Variants in DIS3L2 observed in about 807,000 individuals in gnomAD.
DIS3L2 encodes DIS3 like 3'-5' exoribonuclease 2, also known as DIS3-like exonuclease 2.
In DIS3L2, 34 loss-of-function variants were observed where a neutral mutation model predicts 97.5. The observed-to-expected ratio is 0.35, with a 90% CI of 0.27 to 0.46. The LOEUF is 0.46. Among genes scored for constraint, DIS3L2 ranks in the 20% least tolerant of loss-of-function variants. The pLI is 1.00. For synonymous variants in DIS3L2, 435 were observed against 445.2 expected, an observed-to-expected ratio of 0.98 and a Z score of 0.29; for missense variants, 1,038 against 1,146.0, an observed-to-expected ratio of 0.91 and a Z score of 1.36.
At chr2:231,964,753 A>G (rs1692665006) in intron 1 of DIS3L2, among the ~76,000 whole-genome samples, 1 of 152,240 alleles carries the variant, frequency 6.6e-6, no homozygotes, top group Non-Finnish European at 1.5e-5. Context: ...TAAAGGATAT[A>G]AAAGAAAAGT....
At chr2:231,995,404 CTT>C (rs1559525050) in intron 1 of DIS3L2, among the ~76,000 whole-genome samples, 1 of 152,166 alleles carries the variant, frequency 6.6e-6, no homozygotes, top group African/African-American at 2.4e-5. Flanking sequence ...TCAGAGGAGA[CTT>C]TCCTATGGAA....
At chr2:232,176,242 C>A (rs946187649) in intron 9 of DIS3L2, among the ~76,000 whole-genome samples, 1 of 152,134 alleles carries the variant, frequency 6.6e-6, no homozygotes, top group African/African-American at 2.4e-5. Context: ...TCTTGGCATA[C>A]CATTGTTATT....
intron 5 of DIS3L2, among the ~76,000 whole-genome samples, chr2:232,030,909 T>C (rs1435053519): frequency 1.3e-5 from 2 of 152,210 alleles, no homozygotes; most frequent in Non-Finnish European, 2.9e-5. Context: ...TTATTTGGCT[T>C]TTTTGTTTTA....
chr2:232,000,194 T>A (rs1290663495), intron 1 of DIS3L2, among the ~76,000 whole-genome samples: 1 of 152,224 alleles, frequency 6.6e-6, no homozygotes, highest in Non-Finnish European at 1.5e-5. Flanking sequence ...GCTGTATTTT[T>A]AAATTTGGAT....
intron 5 of DIS3L2, among the ~76,000 whole-genome samples, chr2:232,086,359 G>GTGTATATGTATATGTATA (rs59054040): frequency 1.4e-3 from 200 of 138,202 alleles, no homozygotes; most frequent in Middle Eastern, 3.7e-3. Context: ...GTATATATAT[G>GTGTATATGTATATGTATA]TGTATATGTA....
intron 12 of DIS3L2, among the ~76,000 whole-genome samples, chr2:232,261,004 A>G (rs772366518): frequency 2.6e-5 from 4 of 151,958 alleles, no homozygotes; most frequent in South Asian, 2.1e-4. Context: ...AAAATGTTCT[A>G]CTCTTGACTG....
chr2:232,145,001 A>G (rs963602803), intron 8 of DIS3L2, among the ~76,000 whole-genome samples: 1 of 152,214 alleles, frequency 6.6e-6, no homozygotes, highest in East Asian at 1.9e-4. Context: ...GGCATCTGCC[A>G]TGATTCCTAA....
chr2:231,974,555 T>A (rs898857509), intron 1 of DIS3L2, among the ~76,000 whole-genome samples: 7 of 151,156 alleles, frequency 4.6e-5, no homozygotes, highest in African/African-American at 9.7e-5. Context: ...TTTTTTTTTT[T>A]AATATCCCAG....
intron 8 of DIS3L2, among the ~76,000 whole-genome samples, chr2:232,146,288 C>T (rs1235732917): frequency 6.6e-6 from 1 of 152,036 alleles, no homozygotes; most frequent in Non-Finnish European, 1.5e-5. Context: ...GTAGTAAGAG[C>T]TTTACATTTT....
chr2:232,083,156 G>C (rs1233936134), intron 5 of DIS3L2, among the ~76,000 whole-genome samples: 1 of 151,928 alleles, frequency 6.6e-6, no homozygotes, highest in Non-Finnish European at 1.5e-5. Context: ...AGATTTGGGT[G>C]GGGGCACAGC....
chr2:232,289,511 G>A (rs1211880145), intron 13 of DIS3L2, among the ~76,000 whole-genome samples: 1 of 152,232 alleles, frequency 6.6e-6, no homozygotes, highest in Non-Finnish European at 1.5e-5. Context: ...GACTTCAGGT[G>A]ATCCACCTGC....
chr2:232,015,741 C>T, intron 3 of DIS3L2, 70 bp downstream of exon 3: 1 of 1,553,050 alleles, frequency 6.4e-7, no homozygotes, highest in East Asian at 2.2e-5. Flanking sequence ...AAACTGTTTC[C>T]TGTTCTGTGC....
chr2:232,330,219 A>G (rs890238148), intron 15 of DIS3L2, among the ~76,000 whole-genome samples: 1 of 152,020 alleles, frequency 6.6e-6, no homozygotes, highest in Non-Finnish European at 1.5e-5. Context: ...AAGCGGGGGG[A>G]CCCTGGAGGC....
At chr2:232,197,594 A>G (rs1691789173) in intron 9 of DIS3L2, among the ~76,000 whole-genome samples, 1 of 152,186 alleles carries the variant, frequency 6.6e-6, no homozygotes, top group Non-Finnish European at 1.5e-5. Flanking sequence ...TCAACCACAG[A>G]GAAACTTTTT....
At chr2:232,333,593 G>A (rs1434026368) in intron 16 of DIS3L2, among the ~76,000 whole-genome samples, 1 of 152,156 alleles carries the variant, frequency 6.6e-6, no homozygotes, top group African/African-American at 2.4e-5. Flanking sequence ...GCCCAGGCAG[G>A]CCAGATTTGT....
At chr2:232,159,724 T>C (rs1279704752) in intron 8 of DIS3L2, among the ~76,000 whole-genome samples, 2 of 152,230 alleles carry the variant, frequency 1.3e-5, no homozygotes, top group African/African-American at 2.4e-5. Context: ...CATTTCACTT[T>C]TCACCACTAA....
chr2:232,104,615 C>G (rs901438197), intron 6 of DIS3L2, among the ~76,000 whole-genome samples: 1 of 152,156 alleles, frequency 6.6e-6, no homozygotes, highest in South Asian at 2.1e-4. Context: ...AAATCTACTT[C>G]CTCTCTATAA....
intron 6 of DIS3L2, among the ~76,000 whole-genome samples, chr2:232,093,447 A>G (rs891630960): frequency 5.3e-5 from 8 of 152,052 alleles, no homozygotes; most frequent in African/African-American, 1.9e-4. Flanking sequence ...TTTTCAGAAT[A>G]GTTTGAGTAG....
intron 13 of DIS3L2, among the ~76,000 whole-genome samples, chr2:232,288,733 A>T (rs535763900): frequency 6.6e-6 from 1 of 152,100 alleles, no homozygotes; most frequent in African/African-American, 2.4e-5. Context: ...TTTTTTTTCC[A>T]TGAACTGAAT....
Sources: gnomAD v4.1 joint callset for allele counts (sites outside exome capture counted in the v4.1 genomes callset) on GRCh38, gnomAD v4.1.1 for gene constraint, MANE v1.5 for transcripts, NCBI Gene and HGNC (gene_info 2026-07-23, HGNC 2026-07-21) for gene names.